KCNQ1OT1: variants seen among roughly 807,000 people sequenced by gnomAD.
The protein encoded by KCNQ1OT1 is KCNQ1 antisense RNA 2 (non-protein coding).
exon 1 of KCNQ1OT1, chr11:2,666,535 A>G (rs1208063575): frequency 1.5e-5 from 6 of 398,414 alleles, no homozygotes; most frequent in Non-Finnish European, 2.2e-5. Context: ...CATCCACATC[A>G]CTACTAATGT....
chr11:2,627,950 CTA>C lies in KCNQ1OT1; in HGVS notation n.72043_72044del. ...AATTTTATGTAGAGATAGGGTATCA[CTA>C]TGTTTCCTAGGCTGGTCTCAAACTC... is the stretch of plus-strand genomic sequence containing the variant. On this transcript the variant is annotated non_coding_transcript_exon_variant, in exon 1 of 1. Coordinates refer to ENST00000597346, the Ensembl canonical transcript of KCNQ1OT1. This position sits in a 1 kb window ranked among gnomAD's most constrained non-coding sequence, Gnocchi z 4.9. 2.5e-6 allele frequency: 1 copy of C among 398,532 alleles called. No individual in the cohort carries two copies. The highest frequency in any genetic ancestry group is 1.3e-4 in the South Asian group (1 of 7,846). 24.7% of individuals were successfully genotyped at this position (398,532 alleles called of 1,614,324 possible).
rs922082155 is a variant in KCNQ1OT1 at position 2,651,131 on chromosome 11, C to G, written n.48864G>C. 1.8e-5 allele frequency: 7 copies of G among 398,584 alleles called. No homozygotes were observed. Among genetic ancestry groups the G allele is most frequent in the Non-Finnish European group, 3.1e-5 (7 of 226,128 alleles). 24.7% of individuals were successfully genotyped at this position (398,584 alleles called of 1,614,324 possible). ...CTGTACTCCATTCTTCACATAACAG[C>G]TCAAGGGAGTTCTTTAAATGTACAG... On this transcript the variant is annotated non_coding_transcript_exon_variant, in exon 1 of 1. Transcript: ENST00000597346. The surrounding 1 kb of genome is among the most constrained non-coding windows in gnomAD (Gnocchi z 6.1).
chr11:2,674,475 A>T lies in KCNQ1OT1; in HGVS notation n.25520T>A, dbSNP rs994896792. The T allele has an allele frequency of 4.5e-5, 18 of 398,458 alleles. No homozygotes were observed. The highest frequency in any genetic ancestry group is 3.5e-4 in the African/African-American group (17 of 48,586). 24.7% of individuals were successfully genotyped at this position (398,458 alleles called of 1,614,324 possible). A position where few individuals can be genotyped will look rare whatever the true frequency, so the allele number is the denominator to read the frequency against. ...GTGGGGAGGAGGGCTGCCTGTCGAG[A>T]TGTGTAAGATGGCCCCAGTGTTACT... On this transcript the variant is annotated non_coding_transcript_exon_variant, in exon 1 of 1. Coordinates refer to ENST00000597346, the Ensembl canonical transcript of KCNQ1OT1. The surrounding 1 kb of genome is among the most constrained non-coding windows in gnomAD (Gnocchi z 5.9).
chr11:2,685,149 G>C (rs928783052), exon 1 of KCNQ1OT1: 3 of 398,582 alleles, frequency 7.5e-6, no homozygotes, highest in African/African-American at 6.2e-5. Context: ...TGTGGAAGAA[G>C]CTGCCTGGAG....
rs150882745 is a variant in KCNQ1OT1 at position 2,644,770 on chromosome 11, G to A, written n.55225C>T. 1.5e-3 allele frequency: 605 copies of A among 398,632 alleles called. 4 individuals are homozygous for A. The highest frequency in any genetic ancestry group is 2.0e-3 in the Non-Finnish European group (455 of 226,086). The allele number at this position is 398,632 out of a possible 1,614,324, so 24.7% of individuals were successfully genotyped here. A position where few individuals can be genotyped will look rare whatever the true frequency, so the allele number is the denominator to read the frequency against. ...CAGGGCACTTTGGTTTTGATTCTGG[G>A]TGCCTGCAGTAGTGTGATCTCCATG... On this transcript the variant is annotated non_coding_transcript_exon_variant, in exon 1 of 1. Transcript: ENST00000597346.
At chr11:2,699,748 C>T (rs1469278410) in exon 1 of KCNQ1OT1, 4 of 396,124 alleles carry the variant, frequency 1.0e-5, no homozygotes, top group Non-Finnish European at 4.4e-6. Flanking sequence ...CGAGGAGCCC[C>T]CAGAAGAGCG....
chr11:2,636,514 C>T (rs1038774239), exon 1 of KCNQ1OT1: 3 of 152,166 alleles, frequency 2.0e-5, no homozygotes, highest in African/African-American at 7.2e-5. Context: ...TTGAACCAGC[C>T]TTGCATCCCA....
chr11:2,669,306 G>C lies in KCNQ1OT1; in HGVS notation n.30689C>G, dbSNP rs1850140279. On this transcript the variant is annotated non_coding_transcript_exon_variant, in exon 1 of 1. Coordinates refer to ENST00000597346, the Ensembl canonical transcript of KCNQ1OT1. The surrounding 1 kb of genome is among the most constrained non-coding windows in gnomAD (Gnocchi z 5.6). ...GTTTCTCCTCACCATACATATGCCA[G>C]TTGCCATGGAAAGCCTCCTCTAGGC... 2.5e-6 allele frequency: 1 copy of C among 398,536 alleles called. No individual in the cohort carries two copies. Among genetic ancestry groups the C allele is most frequent in the African/African-American group, 2.1e-5 (1 of 48,636 alleles). 24.7% of individuals were successfully genotyped at this position (398,536 alleles called of 1,614,324 possible).
exon 1 of KCNQ1OT1, chr11:2,644,554 T>C (rs1849637388): frequency 2.5e-6 from 1 of 398,432 alleles, no homozygotes; most frequent in East Asian, 3.6e-5. Context: ...TTTCATCAAT[T>C]TCTTTTTCAC....
chr11:2,630,739 C>A (rs994260816), exon 1 of KCNQ1OT1: 2 of 398,314 alleles, frequency 5.0e-6, no homozygotes, highest in African/African-American at 4.1e-5. Flanking sequence ...CTGAATAACT[C>A]CCTCTGGCAT....
exon 1 of KCNQ1OT1, chr11:2,615,988 G>C (rs1849056849): frequency 2.5e-6 from 1 of 397,932 alleles, no homozygotes; most frequent in East Asian, 3.6e-5. Context: ...CATCTGTGTA[G>C]CATTTTCTTC....
At position 2,620,199 on chromosome 11, in the gene KCNQ1OT1, G is replaced by T; in HGVS notation, n.79796C>A. ...CTGCAAAGGACGTAAGTTCATTCAT[G>T]TATATATATATATTTTTTTTTTTTA... On this transcript the variant is annotated non_coding_transcript_exon_variant, in exon 1 of 1. Transcript: ENST00000597346. This position sits in a 1 kb window ranked among gnomAD's most constrained non-coding sequence, Gnocchi z 4.5. 1 of 295,192 alleles carries T rather than the reference G, an allele frequency of 3.4e-6. No homozygotes were observed. Among genetic ancestry groups the T allele is most frequent in the Non-Finnish European group, 5.6e-6 (1 of 178,474 alleles). The allele number at this position is 295,192 out of a possible 1,614,324, so 18.3% of individuals were successfully genotyped here. A position where few individuals can be genotyped will look rare whatever the true frequency, so the allele number is the denominator to read the frequency against.
Position 2,677,336 on chromosome 11 carries a change from A to G in KCNQ1OT1, n.22659T>C, listed in dbSNP as rs1850311428. On this transcript the variant is annotated non_coding_transcript_exon_variant, in exon 1 of 1. Coordinates refer to ENST00000597346, the Ensembl canonical transcript of KCNQ1OT1. This position sits in a 1 kb window ranked among gnomAD's most constrained non-coding sequence, Gnocchi z 4.5. Reference sequence around the variant, plus strand: ...GAAAATGATGTCAAATGATTTCTCAAATAGAGACTGGGCAGAGTAGACCAG... The same window carrying G: ...GAAAATGATGTCAAATGATTTCTCAGATAGAGACTGGGCAGAGTAGACCAG... 5.0e-6 allele frequency: 2 copies of G among 398,628 alleles called. No homozygotes were observed. Among genetic ancestry groups the G allele is most frequent in the Non-Finnish European group, 8.8e-6 (2 of 226,062 alleles). The allele number at this position is 398,628 out of a possible 1,614,324, so 24.7% of individuals were successfully genotyped here.
exon 1 of KCNQ1OT1, chr11:2,649,415 A>C (rs1849723828): frequency 2.5e-6 from 1 of 398,426 alleles, no homozygotes; most frequent in Middle Eastern, 6.3e-4. Flanking sequence ...GGTAGATATC[A>C]TCCTCCTACT....
At chr11:2,636,433 T>C (rs1283587364) in exon 1 of KCNQ1OT1, 1 of 152,180 alleles carries the variant, frequency 6.6e-6, no homozygotes, top group Non-Finnish European at 1.5e-5. Flanking sequence ...TCTGCATCTA[T>C]TGAGATAATC....
In KCNQ1OT1 at chr11:2,653,835, G is replaced by T; in HGVS notation, n.46160C>A. ...CAAGGTCCACAGGGACCCCTTTGGG[G>T]ATGGCCAGAGGGTACCTAAACACTG... On this transcript the variant is annotated non_coding_transcript_exon_variant, in exon 1 of 1. Transcript: ENST00000597346. The surrounding 1 kb of genome is among the most constrained non-coding windows in gnomAD (Gnocchi z 5.3). The T allele has an allele frequency of 2.5e-6, 1 of 398,666 alleles. No individual in the cohort carries two copies. Among genetic ancestry groups the T allele is most frequent in the Non-Finnish European group, 4.4e-6 (1 of 226,094 alleles). The allele number at this position is 398,666 out of a possible 1,614,324, so 24.7% of individuals were successfully genotyped here.
At position 2,658,827 on chromosome 11, in the gene KCNQ1OT1, CTCTGACAGCTAGAAACCT is replaced by C. The variant is rs1849899049; in HGVS notation, n.41150_41167del. 16 of 398,404 alleles carry C rather than the reference CTCTGACAGCTAGAAACCT, an allele frequency of 4.0e-5. No homozygotes were observed. The highest frequency in any genetic ancestry group is 6.6e-5 in the Non-Finnish European group (15 of 226,068). 24.7% of individuals were successfully genotyped at this position (398,404 alleles called of 1,614,324 possible). The stretch of plus-strand genomic sequence containing the variant: ...CCCCACAACTTATTTATAGCTTTTT[CTCTGACAGCTAGAAACCT>C]GGCTCCCATTACCTACAGTTCATTT... On this transcript the variant is annotated non_coding_transcript_exon_variant, in exon 1 of 1. Coordinates refer to ENST00000597346, the Ensembl canonical transcript of KCNQ1OT1. The surrounding 1 kb of genome is among the most constrained non-coding windows in gnomAD (Gnocchi z 4.9).
At chr11:2,686,140 T>G (rs1051246310) in exon 1 of KCNQ1OT1, 21 of 398,720 alleles carry the variant, frequency 5.3e-5, no homozygotes, top group Non-Finnish European at 8.8e-6. Flanking sequence ...GCCCCCTTGC[T>G]TCTGGGGTTT....
exon 1 of KCNQ1OT1, chr11:2,646,197 T>G (rs1849662917): frequency 2.5e-6 from 1 of 398,482 alleles, no homozygotes; most frequent in South Asian, 1.3e-4. Flanking sequence ...CTTGCTATAT[T>G]TTGTGGAGGA....
Sources: gnomAD v4.1 joint callset for allele counts on GRCh38, gnomAD v4.1.1 for gene constraint, Gnocchi (gnomAD v3.1) non-coding constraint, MANE v1.5 for transcripts, NCBI Gene and HGNC (gene_info 2026-07-23, HGNC 2026-07-21) for gene names.